The following DST variants were observed in gnomAD, a reference collection of about 807,000 sequenced individuals.
DST encodes bullous pemphigoid antigen.
In DST, 253 loss-of-function variants were observed where a neutral mutation model predicts 875.2. The observed-to-expected ratio is 0.29, with a 90% CI of 0.26 to 0.32. The LOEUF (loss-of-function observed/expected upper bound fraction) is 0.32, where lower values mean the gene tolerates loss of function less well. DST is among the 10% of genes least tolerant of loss of function. The pLI is 1.00. For missense variants in DST, 8,287 were observed against 9,111.6 expected (o/e 0.91, Z 3.68); for synonymous variants, 3,124 against 3,197.1 (o/e 0.98, Z 0.77).
At chr6:56,476,573 T>G (rs2095200736) in intron 91 of DST, among the ~76,000 whole-genome samples, 1 of 152,194 alleles carries the variant, frequency 6.6e-6, no homozygotes, top group South Asian at 2.1e-4. Context: ...TCACTCAGGC[T>G]TCCTTTTGCT....
At position 56,607,689 on chromosome 6, in the gene DST, A is replaced by G. The variant is rs2098510661; in HGVS notation, c.6939T>C (p.Asn2313=). The stretch of plus-strand genomic sequence containing the variant: ...GTTTTCCTGACTGAGAAAATTCACT[A>G]TTGATAACAGTATTTCTCATTTCAT... ...EFNEMRNTVI[N]SEFSQSGKLA... Residue 2313 remains asparagine, a synonymous_variant, in exon 40 of 104, where the codon AAT becomes AAC. Coordinates refer to ENST00000680361, the MANE Select transcript of DST (RefSeq NM_001374736.1). 19 of 1,613,324 alleles carry G rather than the reference A, an allele frequency of 1.2e-5. No homozygotes were observed. The highest frequency in any genetic ancestry group is 1.6e-5 in the Non-Finnish European group (19 of 1,179,622).
chr6:56,490,942 C>G (rs1444871756), intron 85 of DST, among the ~76,000 whole-genome samples: 2 of 152,014 alleles, frequency 1.3e-5, no homozygotes, highest in African/African-American at 4.8e-5. Context: ...TTGATTAAAT[C>G]GAGAAAGGAG....
intron 55 of DST, among the ~76,000 whole-genome samples, chr6:56,567,566 A>C (rs1345056416): frequency 6.6e-6 from 1 of 152,116 alleles, no homozygotes; most frequent in African/African-American, 2.4e-5. Context: ...TAAAAAAAAA[A>C]CAACAAAACT....
chr6:56,629,211 T>C (rs755119732), intron 32 of DST, 39 bp downstream of exon 32: 5 of 1,599,966 alleles, frequency 3.1e-6, no homozygotes, highest in South Asian at 1.1e-5. Flanking sequence ...TAGATAGACA[T>C]TAAATCTGTG....
chr6:56,893,386 C>A (rs1298224520), intron 3 of DST, among the ~76,000 whole-genome samples: 1 of 152,116 alleles, frequency 6.6e-6, no homozygotes, highest in African/African-American at 2.4e-5. Context: ...ACCACAGTTT[C>A]TTTATCCACT....
chr6:56,471,020 C>T, intron 95 of DST, 86 bp downstream of exon 95: 2 of 1,354,768 alleles, frequency 1.5e-6, no homozygotes, highest in Non-Finnish European at 2.0e-6. Flanking sequence ...TTTATTGTAA[C>T]ACAAGTTTAC....
intron 9 of DST, among the ~76,000 whole-genome samples, chr6:56,672,776 GTTA>G (rs1230055598): frequency 4.6e-5 from 7 of 152,174 alleles, no homozygotes; most frequent in African/African-American, 1.7e-4. Context: ...GATGAGCTAT[GTTA>G]TTGTTGTAGT....
At chr6:56,843,160 A>C in intron 4 of DST, 1 of 1,551,284 alleles carries the variant, frequency 6.4e-7, no homozygotes, top group South Asian at 1.2e-5. Flanking sequence ...AAGTTTATCT[A>C]AGCGATGACT....
chr6:56,873,751 GA>G (rs1481185066), intron 3 of DST, among the ~76,000 whole-genome samples: 1 of 152,146 alleles, frequency 6.6e-6, no homozygotes, highest in Non-Finnish European at 1.5e-5. Flanking sequence ...GTTGGTTAAT[GA>G]GCACAAAAAT....
intron 3 of DST, among the ~76,000 whole-genome samples, chr6:56,862,741 A>G (rs767497070): frequency 7.9e-5 from 12 of 151,862 alleles, no homozygotes. Context: ...ATTGGGGGGG[A>G]ATGGAGAGGA....
intron 4 of DST, among the ~76,000 whole-genome samples, chr6:56,815,522 A>G (rs956509022): frequency 2.6e-5 from 4 of 152,220 alleles, no homozygotes; most frequent in Non-Finnish European, 4.4e-5. Flanking sequence ...AGCAATTTTT[A>G]AATCACAGAA....
At chr6:56,475,437 A>T (rs1359382010) in intron 92 of DST, among the ~76,000 whole-genome samples, 1 of 150,886 alleles carries the variant, frequency 6.6e-6, no homozygotes, top group African/African-American at 2.4e-5. Flanking sequence ...ACACACACAA[A>T]ATAATGGCAA....
chr6:56,892,580 C>T (rs545811660), intron 3 of DST, among the ~76,000 whole-genome samples: 47 of 152,254 alleles, frequency 3.1e-4, no homozygotes, highest in African/African-American at 1.1e-3. Flanking sequence ...CCCACCTCAG[C>T]CTCCCAAAGT....
At position 56,609,299 on chromosome 6, in the gene DST, C is replaced by T; in HGVS notation, c.5329G>A (p.Val1777Ile). Residue 1777 changes from valine to isoleucine, a missense_variant, in exon 40 of 104, where the codon GTC becomes ATC. Val to Ile is a conservative substitution (Grantham distance 29). Around this residue, in one of 10 missense-constraint regions of DST, gnomAD observed 3,138 missense variants for 3,116.6 expected, o/e 1.01. Coordinates refer to ENST00000680361, the MANE Select transcript of DST (RefSeq NM_001374736.1). Reference sequence around the variant, plus strand: ...AAAACTGCTTGAAAGACTGAAAGGACTTCTCCAGTTGTCTGATCAATGGTG... The same window carrying T: ...AAAACTGCTTGAAAGACTGAAAGGATTTCTCCAGTTGTCTGATCAATGGTG... ...AGTIDQTTGEVLSVFQAVLRG... is the reference protein window; with the variant it reads ...AGTIDQTTGEILSVFQAVLRG... 6.2e-7 allele frequency: 1 copy of T among 1,613,186 alleles called. No homozygotes were observed. The highest frequency in any genetic ancestry group is 8.5e-7 in the Non-Finnish European group (1 of 1,179,572).
chr6:56,857,047 C>T (rs1417530160), intron 3 of DST, among the ~76,000 whole-genome samples: 2 of 151,096 alleles, frequency 1.3e-5, no homozygotes, highest in African/African-American at 4.9e-5. Flanking sequence ...GGTCTTGCTC[C>T]ATTGCCCAGG....
At chr6:56,515,752 C>T in intron 71 of DST, 84 bp from the exon 72 acceptor site, 1 of 1,049,860 alleles carries the variant, frequency 9.5e-7, no homozygotes, top group Non-Finnish European at 1.4e-6. Flanking sequence ...CACAGTACAC[C>T]TGGACAGAGT....
intron 55 of DST, among the ~76,000 whole-genome samples, chr6:56,563,768 G>A (rs1203460353): frequency 2.0e-5 from 3 of 152,144 alleles, no homozygotes; most frequent in African/African-American, 7.2e-5. Flanking sequence ...AAGGTGTAAG[G>A]AAGGGGTCCA....
Position 56,640,456 on chromosome 6 carries a change from T to A in DST, c.2177A>T (p.His726Leu). 1 of 1,614,010 alleles carries A rather than the reference T, an allele frequency of 6.2e-7. No homozygotes were observed. The highest frequency in any genetic ancestry group is 1.3e-5 in the African/African-American group (1 of 74,948). ...SLNSGFAQTL[H>L]PSLTSGLTQS... ...GGTCAGCCCTGAGGTCAGACTAGGG[T>A]GTAAGGTCTGTGCAAATCCTGAGTT... Residue 726 changes from histidine to leucine, a missense_variant, in exon 18 of 104, where the codon CAC becomes CTC. Coordinates refer to ENST00000680361, the MANE Select transcript of DST (RefSeq NM_001374736.1).
chr6:56,738,916 T>G (rs1235409113), intron 4 of DST, among the ~76,000 whole-genome samples: 1 of 152,026 alleles, frequency 6.6e-6, no homozygotes, highest in Non-Finnish European at 1.5e-5. Flanking sequence ...AACCACTGTG[T>G]CTGACCCTAA....
Sources: allele counts gnomAD v4.1 joint callset (sites outside exome capture counted in the v4.1 genomes callset), GRCh38; gene constraint gnomAD v4.1.1; regional missense constraint gnomAD v4.1.1; transcripts MANE v1.5; gene names NCBI Gene and HGNC (gene_info 2026-07-23, HGNC 2026-07-21).